ZIK1: variants seen among roughly 807,000 people sequenced by gnomAD.
The protein encoded by ZIK1 is zinc finger protein interacting with K protein 1, also known as zinc finger protein interacting with ribonucleoprotein K.
A neutral mutation model predicts 10.7 loss-of-function variants in ZIK1; 12 were observed. The observed-to-expected ratio is 1.12, with a 90% confidence interval of 0.72 to 1.81. ZIK1 has a LOEUF of 1.81. Ranked by LOEUF, ZIK1 falls within the 40% of genes most tolerant of loss-of-function variation. The probability of loss-of-function intolerance (pLI) is 0.00; values close to 1 mark genes in which losing one functional copy is unlikely to be tolerated. For missense variants in ZIK1, 497 were observed against 585.7 expected, an observed-to-expected ratio of 0.85 and a Z score of 1.56; for synonymous variants, 190 against 205.0, an observed-to-expected ratio of 0.93 and a Z score of 0.63.
chr19:57,584,193 T>G lies in ZIK1; in HGVS notation c.-164T>G. The G allele has an allele frequency of 7.4e-7, 1 of 1,343,720 alleles. No individual in the cohort carries two copies. Among genetic ancestry groups the G allele is most frequent in the Non-Finnish European group, 9.9e-7 (1 of 1,014,262 alleles). The allele number at this position is 1,343,720 out of a possible 1,614,324, so 83.2% of individuals were successfully genotyped here. A position where few individuals can be genotyped will look rare whatever the true frequency, so the allele number is the denominator to read the frequency against. On this transcript the variant is annotated 5_prime_UTR_variant, in exon 1 of 4. Coordinates refer to ENST00000597850, the MANE Select transcript of ZIK1 (RefSeq NM_001010879.4). The stretch of plus-strand genomic sequence containing the variant: ...TTGGGTGCATCCAGACCGTCAGAGC[T>G]TTGGGAGCGCTTTGTTTGGCGACAG...
Position 57,588,674 on chromosome 19 carries a change from C to G in ZIK1, c.199+9C>G. The G allele has an allele frequency of 1.3e-6, 2 of 1,518,832 alleles. No homozygotes were observed. The highest frequency in any genetic ancestry group is 2.4e-5 in the East Asian group (1 of 42,522). The allele number at this position is 1,518,832 out of a possible 1,614,324, so 94.1% of individuals were successfully genotyped here. A position where few individuals can be genotyped will look rare whatever the true frequency, so the allele number is the denominator to read the frequency against. Reference sequence around the variant, plus strand: ...CCTTGTAGCCTCACTGGGTAAGGCCCTAATACCAACTCCAGTGTCCTGGTC... The same window carrying G: ...CCTTGTAGCCTCACTGGGTAAGGCCGTAATACCAACTCCAGTGTCCTGGTC... On this transcript the variant is annotated intron_variant, in intron 3 of 3. Transcript: ENST00000597850.
intron 3 of ZIK1, chr19:57,589,550 A>T (rs570381099): frequency 1.0e-6 from 1 of 985,312 alleles, no homozygotes; most frequent in South Asian, 4.7e-5. Flanking sequence ...CACACACATA[A>T]TGTCTCATGA....
rs773359301 is a variant in ZIK1 at position 57,590,031 on chromosome 19, G to A, written c.220G>A (p.Asp74Asn). The A allele has an allele frequency of 1.1e-5, 17 of 1,613,796 alleles. No individual in the cohort carries two copies. The South Asian group carries it at 1.5e-4, about 15-fold the overall frequency. ...TTCAGGTTGTGGCCATGGAACAGAG[G>A]ATGAAGAGACACCTTCTGACCAGAA... is the stretch of plus-strand genomic sequence containing the variant. ...ASLGCGHGTE[D>N]EETPSDQNVS... Residue 74 changes from aspartate to asparagine, a missense_variant, in exon 4 of 4, where the codon GAT (aspartate) becomes AAT (asparagine). Asp to Asn is a conservative substitution (Grantham distance 23). Transcript: ENST00000597850.
intron 1 of ZIK1, 162 bp downstream of exon 1, chr19:57,584,551 G>A: frequency 7.1e-7 from 1 of 1,415,734 alleles, no homozygotes; most frequent in East Asian, 2.7e-5. Flanking sequence ...TACAGGCAAA[G>A]GGACCAGCGT....
intron 3 of ZIK1, chr19:57,589,339 G>T (rs1313638434): frequency 1.3e-5 from 13 of 985,264 alleles, no homozygotes; most frequent in Non-Finnish European, 1.3e-5. Context: ...CACATAAGGA[G>T]CCTGTCCTGT....
Position 57,589,191 on chromosome 19 carries a change from G to T in ZIK1, c.199+526G>T, listed in dbSNP as rs1979434697. ...TCTTTCTGGTAGGACTTGGCTTCAT[G>T]AAGGTCCCACATAGCTAGACAACTG... On this transcript the variant is annotated intron_variant, in intron 3 of 3. Coordinates refer to ENST00000597850, the MANE Select transcript of ZIK1 (RefSeq NM_001010879.4). 5 of 913,244 alleles carry T rather than the reference G, an allele frequency of 5.5e-6. No individual in the cohort carries two copies. In the African/African-American group the frequency reaches 7.2e-5, roughly 13 times the overall value. The allele number at this position is 913,244 out of a possible 1,614,324, so 56.6% of individuals were successfully genotyped here.
Position 57,590,414 on chromosome 19 carries a change from G to A in ZIK1, c.603G>A (p.Gly201=), listed in dbSNP as rs780453139. The change falls in exon 4 of 4, where the codon GGG becomes GGA. Residue 201 remains glycine (G), a synonymous_variant. Transcript: ENST00000597850. ...AACCCGGCACAATTACTGAATGTGG[G>A]GAGGACATTCGCAGTCAAAAAAGTC... ...GKKPGTITEC[G]EDIRSQKSHY... is the part of the protein sequence containing the mutation. The A allele has an allele frequency of 8.1e-6, 13 of 1,614,044 alleles. No individual in the cohort carries two copies. Among genetic ancestry groups the A allele is most frequent in the Non-Finnish European group, 1.1e-5 (13 of 1,180,022 alleles).
rs1568618646 is a variant in ZIK1, at chr19:57,593,054, T to A, written c.*1779T>A. 6.6e-6 allele frequency: 1 copy of A among 151,928 alleles called. No individual in the cohort carries two copies. The highest frequency in any genetic ancestry group is 2.4e-5 in the African/African-American group (1 of 41,308). 9.4% of individuals were successfully genotyped at this position (151,928 alleles called of 1,614,324 possible). A position where few individuals can be genotyped will look rare whatever the true frequency, so the allele number is the denominator to read the frequency against. ...TTTTCCTGATGATGCACAATTTTTT[T>A]TTTTTTTTTGAGATGGAGTCTCAGT... On this transcript the variant is annotated 3_prime_UTR_variant, in exon 4 of 4. Transcript: ENST00000597850.
rs192996054 is a variant in ZIK1 at position 57,585,235 on chromosome 19, G to A, written c.72+245G>A. On this transcript the variant is annotated intron_variant, in intron 2 of 3. Coordinates refer to ENST00000597850, the MANE Select transcript of ZIK1 (RefSeq NM_001010879.4). ...GTAAGGTTGGCAGTGAAGCTGAGCT[G>A]ATTCAGGGAAACACAACTCTCCTTT... Among the ~76,000 whole-genome samples, 188 of 152,320 alleles carry A rather than the reference G, an allele frequency of 1.2e-3. 2 individuals carry two copies. The highest frequency in any genetic ancestry group is 4.4e-3 in the African/African-American group (182 of 41,578).
Position 57,584,220 on chromosome 19 carries a change from C to T in ZIK1, c.-137C>T, listed in dbSNP as rs1978917378. ...TGGGAGCGCTTTGTTTGGCGACAGT[C>T]GGAAGGCGCGAGGGGAGGGGTCCTC... On this transcript the variant is annotated 5_prime_UTR_variant, in exon 1 of 4. Coordinates refer to ENST00000597850, the MANE Select transcript of ZIK1 (RefSeq NM_001010879.4). 2 of 1,428,334 alleles carry T rather than the reference C, an allele frequency of 1.4e-6. No homozygotes were observed. Among genetic ancestry groups the T allele is most frequent in the African/African-American group, 1.4e-5 (1 of 69,400 alleles). The allele number at this position is 1,428,334 out of a possible 1,614,324, so 88.5% of individuals were successfully genotyped here. A position where few individuals can be genotyped will look rare whatever the true frequency, so the allele number is the denominator to read the frequency against.
At position 57,590,233 on chromosome 19, in the gene ZIK1, C is replaced by G. The variant is rs755613209; in HGVS notation, c.422C>G (p.Ala141Gly). ...NHHQHQKHHS[A>G]KKSLKRDMDR... ...CACCAGCACCAGAAGCATCACAGTG[C>G]AAAGAAATCCTTGAAGAGGGACATG... Residue 141 changes from alanine to glycine, a missense_variant, in exon 4 of 4, where the codon GCA becomes GGA. By Grantham distance (60) the Ala-to-Gly change is moderately conservative. Transcript: ENST00000597850. 19 of 1,614,066 alleles carry G rather than the reference C, an allele frequency of 1.2e-5. 1 individual carries two copies. The South Asian group carries it at 2.1e-4, about 18-fold the overall frequency.
intron 1 of ZIK1, among the ~76,000 whole-genome samples, 175 bp from the exon 2 acceptor site, chr19:57,584,777 G>T (rs1978979160): frequency 6.6e-6 from 1 of 152,212 alleles, no homozygotes; most frequent in Admixed American, 6.5e-5. Flanking sequence ...TTGAGTTCTT[G>T]TGCAAGGTCC....
Position 57,590,208 on chromosome 19 carries a change from C to T in ZIK1, c.397C>T (p.His133Tyr). 6.2e-7 allele frequency: 1 copy of T among 1,614,208 alleles called. No individual in the cohort carries two copies. ...PYLVGECTNHHQHQKHHSAKK... is the reference protein window; with the variant it reads ...PYLVGECTNHYQHQKHHSAKK... ...CTTGGTTGGAGAATGTACAAACCAT[C>T]ACCAGCACCAGAAGCATCACAGTGC... The change falls in exon 4 of 4, where the codon CAC becomes TAC. Residue 133 changes from histidine to tyrosine, a missense_variant. Physicochemically the swap from His to Tyr is moderately conservative, Grantham distance 83. Coordinates refer to ENST00000597850, the MANE Select transcript of ZIK1 (RefSeq NM_001010879.4).
chr19:57,590,532 T>C lies in ZIK1; in HGVS notation c.721T>C (p.Cys241Arg), dbSNP rs1390845884. 3 of 1,613,834 alleles carry C rather than the reference T, an allele frequency of 1.9e-6. No homozygotes were observed. The highest frequency in any genetic ancestry group is 3.3e-5 in the Admixed American group (2 of 59,988). Residue 241 changes from cysteine (C) to arginine (R), a missense_variant, in exon 4 of 4, where the codon TGT (cysteine) becomes CGT (arginine). By Grantham distance (180) the Cys-to-Arg change is radical. Coordinates refer to ENST00000597850, the MANE Select transcript of ZIK1 (RefSeq NM_001010879.4). ...CTACACTGGAAAAAAGCTTTATGAGTGTAGCAAATGTGGGAAAGCCTTCCG... is the reference window on the plus strand; with the variant it reads ...CTACACTGGAAAAAAGCTTTATGAGCGTAGCAAATGTGGGAAAGCCTTCCG... Reference protein sequence around the residue: ...RVYTGKKLYECSKCGKAFRGK... With the variant: ...RVYTGKKLYERSKCGKAFRGK...
intron 3 of ZIK1, 38 bp from the exon 4 acceptor site, chr19:57,589,973 A>C: frequency 6.3e-7 from 1 of 1,590,488 alleles, no homozygotes; most frequent in Non-Finnish European, 8.6e-7. Flanking sequence ...CTCTCAGCAT[A>C]GTCAATGTAT....
intron 2 of ZIK1, 126 bp downstream of exon 2, chr19:57,585,116 T>C (rs1049640290): frequency 4.4e-5 from 36 of 827,038 alleles, no homozygotes; most frequent in Non-Finnish European, 9.2e-6. Flanking sequence ...CTTGACATCC[T>C]GATTCTAGAC....
At chr19:57,589,197 C>T in intron 3 of ZIK1, 1 of 934,854 alleles carries the variant, frequency 1.1e-6, no homozygotes, top group Non-Finnish European at 1.3e-6. Context: ...TCATGAAGGT[C>T]CCACATAGCT....
intron 1 of ZIK1, 53 bp from the exon 2 acceptor site, chr19:57,584,899 T>G: frequency 6.3e-7 from 1 of 1,591,296 alleles, no homozygotes; most frequent in Non-Finnish European, 8.6e-7. Context: ...GAAGCCTGAA[T>G]CCGTAGAGCC....
Position 57,584,203 on chromosome 19 carries a change from CTTTG to C in ZIK1, c.-149_-146del, listed in dbSNP as rs1164911818. On this transcript the variant is annotated 5_prime_UTR_variant, in exon 1 of 4. Transcript: ENST00000597850. ...CCAGACCGTCAGAGCTTTGGGAGCG[CTTTG>C]TTTGGCGACAGTCGGAAGGCGCGAG... is the stretch of plus-strand genomic sequence containing the variant. 7.2e-6 allele frequency: 10 copies of C among 1,392,010 alleles called. No individual in the cohort carries two copies. The East Asian group carries it at 1.6e-4, about 22-fold the overall frequency. The allele number at this position is 1,392,010 out of a possible 1,614,324, so 86.2% of individuals were successfully genotyped here.
Sources: allele counts gnomAD v4.1 joint callset (sites outside exome capture counted in the v4.1 genomes callset), GRCh38; gene constraint gnomAD v4.1.1; transcripts MANE v1.5; gene names NCBI Gene and HGNC (gene_info 2026-07-23, HGNC 2026-07-21).